MICAL2: variants seen among roughly 807,000 people sequenced by gnomAD.
MICAL2 encodes the protein microtubule associated monooxygenase, calponin and LIM domain containing 2, also known as [F-actin]-monooxygenase MICAL2.
A neutral mutation model predicts 127.3 loss-of-function variants in MICAL2; 77 were observed. That is an observed-to-expected ratio of 0.60 (90% CI 0.50 to 0.73). The LOEUF is 0.73. Ranked by LOEUF, MICAL2 falls within the 30% of genes least tolerant of loss-of-function variation. MICAL2 has a pLI of 0.00. For synonymous variants in MICAL2, 570 were observed against 551.1 expected, an observed-to-expected ratio of 1.03 and a Z score of -0.48; for missense variants, 1,351 against 1,434.4, an observed-to-expected ratio of 0.94 and a Z score of 0.94.
At chr11:12,299,903 G>A (rs1864027609) in intron 29 of MICAL2, among the ~76,000 whole-genome samples, 1 of 152,040 alleles carries the variant, frequency 6.6e-6, no homozygotes, top group Non-Finnish European at 1.5e-5. Context: ...ATTTTATTTG[G>A]TTTTACTTTA....
intron 7 of MICAL2, among the ~76,000 whole-genome samples, chr11:12,215,910 G>C (rs887437062): frequency 6.6e-6 from 1 of 152,210 alleles, no homozygotes; most frequent in Non-Finnish European, 1.5e-5. Context: ...AGCTTCTGTG[G>C]CCATGGCCGG....
In MICAL2 at chr11:12,244,015, A is replaced by T. The variant is rs748304331; in HGVS notation, c.2687A>T (p.His896Leu). 2 of 1,613,752 alleles carry T rather than the reference A, an allele frequency of 1.2e-6. No individual in the cohort carries two copies. Among genetic ancestry groups the T allele is most frequent in the Non-Finnish European group, 1.7e-6 (2 of 1,179,760 alleles). Residue 896 changes from histidine (H) to leucine (L), a missense_variant, in exon 21 of 28, where the codon CAT becomes CTT. His to Leu is a moderately conservative substitution (Grantham distance 99). Coordinates refer to ENST00000683283, the MANE Select transcript of MICAL2 (RefSeq NM_001282663.2). ...AAACTACTCTCTAAAGGCCTGTCTC[A>T]TACTCATCCTCCATCTCCTCCCTCT... ...QNKLLSKGLS[H>L]THPPSPPSRL...
intron 2 of MICAL2, among the ~76,000 whole-genome samples, chr11:12,149,146 C>G (rs1413869908): frequency 6.6e-6 from 1 of 152,070 alleles, no homozygotes; most frequent in Admixed American, 6.5e-5. Context: ...GCATTCCAGA[C>G]AGAGGGATCA....
intron 1 of MICAL2, among the ~76,000 whole-genome samples, chr11:12,136,625 C>T (rs1851859826): frequency 6.6e-6 from 1 of 152,116 alleles, no homozygotes; most frequent in Non-Finnish European, 1.5e-5. Context: ...GAACAGAGGC[C>T]CTGACCCTCA....
intron 18 of MICAL2, 135 bp from the exon 19 acceptor site, chr11:12,242,079 G>A: frequency 1.5e-6 from 1 of 680,234 alleles, no homozygotes; most frequent in East Asian, 2.8e-5. Flanking sequence ...TCAACACCTG[G>A]GGCTAGTTTG....
At chr11:12,293,646 A>G (rs778653383), downstream of MICAL2, 2 of 1,614,128 alleles carry the variant, frequency 1.2e-6, no homozygotes, top group Non-Finnish European at 1.7e-6. Context: ...GCCGTAGCCC[A>G]AGGAGCACCC....
chr11:12,275,671 ATGT>A (rs1863716349), upstream of MICAL2, among the ~76,000 whole-genome samples: 1 of 152,304 alleles, frequency 6.6e-6, no homozygotes, highest in African/African-American at 2.4e-5. Flanking sequence ...AACATGTTGG[ATGT>A]TGCCGTCTTG....
intron 30 of MICAL2, among the ~76,000 whole-genome samples, chr11:12,322,439 G>A (rs1024824005): frequency 3.9e-5 from 6 of 152,172 alleles, no homozygotes; most frequent in Non-Finnish European, 5.9e-5. Context: ...GACATGATAT[G>A]GAATAAGTTG....
chr11:12,117,875 A>C, intron 1 of MICAL2, among the ~76,000 whole-genome samples: 1 of 152,224 alleles, frequency 6.6e-6, no homozygotes, highest in African/African-American at 2.4e-5. Context: ...GAAACACACA[A>C]GGGGATTTCC....
intron 2 of MICAL2, among the ~76,000 whole-genome samples, chr11:12,159,926 A>G (rs1234945589): frequency 6.6e-6 from 1 of 152,208 alleles, no homozygotes; most frequent in Admixed American, 6.5e-5. Flanking sequence ...TTGTCGCACC[A>G]GGCAGGGCAC....
chr11:12,193,327 C>T (rs143420589), intron 3 of MICAL2, among the ~76,000 whole-genome samples: 43 of 152,338 alleles, frequency 2.8e-4, no homozygotes, highest in Non-Finnish European at 5.3e-4. Flanking sequence ...GCTGCAGGAA[C>T]AGCTGCTCAA....
In MICAL2 at chr11:12,162,393, C is replaced by T. The variant is rs534420944; in HGVS notation, c.238C>T (p.Arg80Ter). The T allele has an allele frequency of 3.1e-6, 5 of 1,614,188 alleles. No homozygotes were observed. The highest frequency in any genetic ancestry group is 1.1e-5 in the South Asian group (1 of 91,076). ...GCGTGGTTCCCACAAAGAGTATAAGCGAGGGAAGTCGTGCACGAACACCAA... is the reference window on the plus strand; with the variant it reads ...GCGTGGTTCCCACAAAGAGTATAAGTGAGGGAAGTCGTGCACGAACACCAA... ...DKRGSHKEYK[R>*]GKSCTNTKCL... is the part of the protein sequence containing the mutation. The change falls in exon 3 of 28, where the codon CGA (arginine) becomes TGA (stop). Residue 80 changes from arginine (R) to a stop codon, truncating the protein, a stop_gained. Transcript: ENST00000683283. LOFTEE classifies it high-confidence loss of function.
chr11:12,144,841 G>A (rs1160670765), intron 2 of MICAL2, among the ~76,000 whole-genome samples: 3 of 152,118 alleles, frequency 2.0e-5, no homozygotes, highest in African/African-American at 4.8e-5. Context: ...TCTCAGACAG[G>A]CATTTTTGTA....
At chr11:12,334,965 C>T (rs913914039) in intron 32 of MICAL2, among the ~76,000 whole-genome samples, 6 of 152,036 alleles carry the variant, frequency 3.9e-5, no homozygotes, top group Non-Finnish European at 8.8e-5. Context: ...TGGGTATATA[C>T]CCAGTAATGG....
intron 29 of MICAL2, among the ~76,000 whole-genome samples, chr11:12,315,260 C>T (rs1292537178): frequency 1.3e-5 from 2 of 152,130 alleles, no homozygotes; most frequent in Admixed American, 6.5e-5. Context: ...TAGCTTCTTA[C>T]AGTATGCTTA....
rs1236830402 is a variant in MICAL2, at chr11:12,209,606, C to T, written c.691+8C>T. On this transcript the variant is annotated splice_region_variant and intron_variant, in intron 6 of 27. Coordinates refer to ENST00000683283, the MANE Select transcript of MICAL2 (RefSeq NM_001282663.2). Reference sequence around the variant, plus strand: ...GCAGGAACACCCTGGAAGGTGAAGACTCTTCTTCTTGGTGTGGGAATGGGG... The same window carrying T: ...GCAGGAACACCCTGGAAGGTGAAGATTCTTCTTCTTGGTGTGGGAATGGGG... 6.2e-7 allele frequency: 1 copy of T among 1,608,274 alleles called. No individual in the cohort carries two copies. The highest frequency in any genetic ancestry group is 2.2e-5 in the East Asian group (1 of 44,866).
chr11:12,187,773 A>G, intron 3 of MICAL2, among the ~76,000 whole-genome samples: 1 of 152,032 alleles, frequency 6.6e-6, no homozygotes, highest in East Asian at 1.9e-4. Flanking sequence ...CTGAAAGCCC[A>G]GGTTGACTCC....
intron 29 of MICAL2, among the ~76,000 whole-genome samples, chr11:12,297,360 T>C (rs1863997744): frequency 6.6e-6 from 1 of 152,172 alleles, no homozygotes; most frequent in South Asian, 2.1e-4. Context: ...TTGTCCAGTT[T>C]TCTATTGGTT....
downstream of MICAL2, chr11:12,294,462 G>T (rs201723344): frequency 3.1e-6 from 5 of 1,614,090 alleles, no homozygotes; most frequent in South Asian, 3.3e-5. Context: ...CCTGCCCTCC[G>T]CACCCACAGT....
Sources: gnomAD v4.1 joint callset for allele counts (sites outside exome capture counted in the v4.1 genomes callset) on GRCh38, gnomAD v4.1.1 for gene constraint, MANE v1.5 for transcripts, NCBI Gene and HGNC (gene_info 2026-07-23, HGNC 2026-07-21) for gene names.